SMPX: variants seen among roughly 807,000 people sequenced by gnomAD.
SMPX encodes small muscle protein X-linked.
A neutral mutation model predicts 6.3 loss-of-function variants in SMPX; 2 were observed. That is an observed-to-expected ratio of 0.32 (90% CI 0.13 to 0.99). The LOEUF (loss-of-function observed/expected upper bound fraction) is 0.99. Among genes scored for constraint, SMPX ranks in the 50% least tolerant of loss-of-function variants. The pLI is 0.49. For missense variants in SMPX, 60 were observed against 66.8 expected, an observed-to-expected ratio of 0.90 and a Z score of 0.36; for synonymous variants, 32 against 24.7, an observed-to-expected ratio of 1.30 and a Z score of -0.88.
At chrX:21,745,125 T>C (rs760393666) in intron 2 of SMPX, among the ~76,000 whole-genome samples, 1 of 111,913 alleles carries the variant, frequency 8.9e-6, no homozygotes, top group African/African-American at 3.3e-5. Flanking sequence ...TCCAAAGTAT[T>C]TGTGGGAAGT....
chrX:21,746,650 GTTTT>G (rs11420880), intron 2 of SMPX, among the ~76,000 whole-genome samples: 2 of 86,425 alleles, frequency 2.3e-5, no homozygotes, highest in Admixed American at 1.3e-4. Flanking sequence ...ACTTAAATGG[GTTTT>G]TTTTTTTTTT....
intron 4 of SMPX, among the ~76,000 whole-genome samples, chrX:21,721,739 TG>T (rs771408557): frequency 1.4e-3 from 158 of 112,636 alleles, no homozygotes; most frequent in Middle Eastern, 4.6e-3. Flanking sequence ...GTTTTGCTGC[TG>T]CCTGACTCTG....
intron 1 of SMPX, among the ~76,000 whole-genome samples, chrX:21,756,987 CTA>C (rs925086927): frequency 5.4e-5 from 6 of 111,952 alleles, no homozygotes; most frequent in African/African-American, 1.9e-4. Context: ...GCTGAGTCAC[CTA>C]TGATATATCC....
At chrX:21,742,779 A>G (rs757557225) in intron 3 of SMPX, among the ~76,000 whole-genome samples, 3 of 112,577 alleles carry the variant, frequency 2.7e-5, no homozygotes, top group African/African-American at 6.5e-5. Context: ...ACAAAGTTGT[A>G]TTAGGAACCT....
At chrX:21,729,923 C>T (rs754349470) in intron 4 of SMPX, among the ~76,000 whole-genome samples, 100 of 111,942 alleles carry the variant, frequency 8.9e-4, no homozygotes, top group African/African-American at 3.0e-3. Context: ...CAGACTGTAA[C>T]CAGGGTCTAA....
intron 2 of SMPX, among the ~76,000 whole-genome samples, chrX:21,751,709 C>A (rs988501075): frequency 9.0e-6 from 1 of 111,593 alleles, no homozygotes; most frequent in Non-Finnish European, 1.9e-5. Context: ...CAGGAAATAA[C>A]AAATGAACTG....
intron 4 of SMPX, chrX:21,733,611 C>G (rs767654946): frequency 7.1e-6 from 2 of 280,701 alleles, no homozygotes; most frequent in African/African-American, 5.7e-5. Flanking sequence ...TTGCGACTTT[C>G]TCGGTGCTTA....
At chrX:21,709,361 T>C (rs2092776121) in intron 4 of SMPX, among the ~76,000 whole-genome samples, 1 of 112,355 alleles carries the variant, frequency 8.9e-6, no homozygotes, top group Non-Finnish European at 1.9e-5. Context: ...CCATGTAACA[T>C]GCTGAATTGT....
chrX:21,732,063 T>C (rs1337242444), intron 4 of SMPX, among the ~76,000 whole-genome samples: 2 of 110,856 alleles, frequency 1.8e-5, no homozygotes, highest in Non-Finnish European at 3.8e-5. Context: ...ATCAATTGTC[T>C]GGGTATATCA....
At chrX:21,746,524 T>A (rs1172387431) in intron 2 of SMPX, among the ~76,000 whole-genome samples, 4 of 111,155 alleles carry the variant, frequency 3.6e-5, no homozygotes, top group Non-Finnish European at 5.7e-5. Flanking sequence ...AACGAGCAGA[T>A]AAAATGGATA....
chrX:21,724,022 C>T (rs1315605450), intron 4 of SMPX, among the ~76,000 whole-genome samples: 1 of 112,084 alleles, frequency 8.9e-6, no homozygotes, highest in Non-Finnish European at 1.9e-5. Context: ...GCTGGGGTGG[C>T]CTGCTCCTGG....
chrX:21,756,715 G>A (rs970760038), intron 1 of SMPX, among the ~76,000 whole-genome samples: 2 of 112,391 alleles, frequency 1.8e-5, no homozygotes, highest in African/African-American at 6.4e-5. Context: ...GCTTCATCCC[G>A]GGACCAAGAA....
chrX:21,707,064 G>T (rs751792231), intron 4 of SMPX, among the ~76,000 whole-genome samples: 1 of 107,244 alleles, frequency 9.3e-6, no homozygotes, highest in African/African-American at 3.4e-5. Context: ...TCTGAAATTC[G>T]GTCTATTCTT....
chrX:21,738,416 T>C (rs2092812830), intron 3 of SMPX, among the ~76,000 whole-genome samples: 1 of 110,692 alleles, frequency 9.0e-6, no homozygotes, highest in Non-Finnish European at 1.9e-5. Flanking sequence ...CAATGGTAAC[T>C]ATAAAACAAC....
At chrX:21,731,715 TATGTACACATTA>T (rs1318115793) in intron 4 of SMPX, among the ~76,000 whole-genome samples, 8 of 101,958 alleles carry the variant, frequency 7.8e-5, no homozygotes, top group South Asian at 4.3e-4. Context: ...TATATGTGTA[TATGTACACATTA>T]ATGTGTATAT....
chrX:21,719,786 C>T (rs1442394563), intron 4 of SMPX, among the ~76,000 whole-genome samples: 1 of 112,094 alleles, frequency 8.9e-6, no homozygotes, highest in East Asian at 2.8e-4. Context: ...ACACTATGCA[C>T]TGTGCTTATG....
chrX:21,706,425 T>G, intron 4 of SMPX, 31 bp from the exon 5 acceptor site: 1 of 342,536 alleles, frequency 2.9e-6, no homozygotes, highest in Non-Finnish European at 5.2e-6. Context: ...GAACCATGAG[T>G]TTTTTGCCTC....
intron 3 of SMPX, among the ~76,000 whole-genome samples, chrX:21,739,189 A>T (rs1270520509): frequency 9.0e-6 from 1 of 111,706 alleles, no homozygotes; most frequent in African/African-American, 3.3e-5. Flanking sequence ...TCTGGATCCT[A>T]TGTCTAGTTC....
At position 21,743,785 on chromosome X, in the gene SMPX, G is replaced by A. The variant is rs777173451; in HGVS notation, c.97C>T (p.Pro33Ser). The A allele has an allele frequency of 2.5e-6, 3 of 1,209,698 alleles. No homozygotes were observed. The highest frequency in any genetic ancestry group is 2.2e-6 in the Non-Finnish European group (2 of 893,909). Residue 33 changes from proline to serine, a missense_variant, in exon 3 of 5, where the codon CCC (proline) becomes TCC (serine). By Grantham distance (74) the Pro-to-Ser change is moderately conservative (BLOSUM62 -1). Coordinates refer to ENST00000379494, the MANE Select transcript of SMPX (RefSeq NM_014332.3). ...GAFRPGAGQP[P>S]RRKECTPEVE... Reference sequence around the variant, plus strand: ...TCAGGAGTACATTCTTTTCTTCTGGGGGGTTGACCTGCTCCTGGCCGAAAG... The same window carrying A: ...TCAGGAGTACATTCTTTTCTTCTGGAGGGTTGACCTGCTCCTGGCCGAAAG...
Sources: allele counts gnomAD v4.1 joint callset (sites outside exome capture counted in the v4.1 genomes callset), GRCh38; gene constraint gnomAD v4.1.1; transcripts MANE v1.5; gene names NCBI Gene and HGNC (gene_info 2026-07-23, HGNC 2026-07-21).